The following PTPRR variants were observed in gnomAD, a reference collection of about 807,000 sequenced individuals.
The protein encoded by PTPRR is receptor-type tyrosine-protein phosphatase R.
Under a neutral mutation model 77.2 loss-of-function variants are expected in PTPRR, and 38 were observed. That is an observed-to-expected ratio of 0.49 (90% CI 0.38 to 0.65). The LOEUF (loss-of-function observed/expected upper bound fraction) is 0.65. Ranked by LOEUF, PTPRR falls within the 30% of genes least tolerant of loss-of-function variation. The pLI is 0.00. For synonymous variants in PTPRR, 299 were observed against 283.1 expected (o/e 1.06, Z -0.57); for missense variants, 744 against 799.2 (o/e 0.93, Z 0.83).
intron 2 of PTPRR, among the ~76,000 whole-genome samples, chr12:70,825,208 G>T (rs1401492001): frequency 1.3e-5 from 2 of 152,182 alleles, no homozygotes; most frequent in Non-Finnish European, 2.9e-5. Context: ...AACCCAGGAG[G>T]TGGAGGTTGC....
At chr12:70,788,952 G>T in intron 2 of PTPRR, 3 of 1,364,844 alleles carry the variant, frequency 2.2e-6, no homozygotes, top group Non-Finnish European at 2.9e-6. Context: ...GCCTCATTTA[G>T]TCACCTGGAG....
intron 1 of PTPRR, among the ~76,000 whole-genome samples, chr12:70,915,779 T>G (rs1893766608): frequency 6.6e-6 from 1 of 152,186 alleles, no homozygotes; most frequent in Non-Finnish European, 1.5e-5. Context: ...AATGAGCTGT[T>G]TAAGTCCATT....
At chr12:70,759,149 T>C (rs1402026936) in intron 4 of PTPRR, among the ~76,000 whole-genome samples, 1 of 152,178 alleles carries the variant, frequency 6.6e-6, no homozygotes, top group Non-Finnish European at 1.5e-5. Context: ...TTGCTCAGGT[T>C]GGTCTCAAAC....
intron 2 of PTPRR, among the ~76,000 whole-genome samples, chr12:70,792,756 AT>A (rs957091958): frequency 6.6e-6 from 1 of 151,864 alleles, no homozygotes; most frequent in Non-Finnish European, 1.5e-5. Context: ...ATCAATTTAA[AT>A]TTTTTTTGCA....
intron 2 of PTPRR, among the ~76,000 whole-genome samples, chr12:70,868,145 A>G (rs1892891511): frequency 6.6e-6 from 1 of 152,212 alleles, no homozygotes; most frequent in Non-Finnish European, 1.5e-5. Context: ...TTCATGTCCA[A>G]AACACAAAAA....
intron 2 of PTPRR, among the ~76,000 whole-genome samples, chr12:70,823,043 C>G (rs1421059220): frequency 6.6e-6 from 1 of 151,246 alleles, no homozygotes; most frequent in African/African-American, 2.4e-5. Context: ...CTTTCTTTGC[C>G]TTTCCCTCAG....
intron 2 of PTPRR, among the ~76,000 whole-genome samples, chr12:70,862,596 G>C (rs1165816300): frequency 8.4e-6 from 1 of 119,574 alleles, no homozygotes; most frequent in African/African-American, 3.1e-5. Flanking sequence ...GTTGTGGGGT[G>C]GGGGGAGGGG....
At chr12:70,672,907 C>T in intron 10 of PTPRR, 1 of 1,536,808 alleles carries the variant, frequency 6.5e-7, no homozygotes, top group African/African-American at 1.4e-5. Flanking sequence ...CATCTGCTCC[C>T]ACTCAGCTTA....
chr12:70,707,320 A>G (rs899879300), intron 6 of PTPRR, among the ~76,000 whole-genome samples: 6 of 152,094 alleles, frequency 3.9e-5, no homozygotes, highest in African/African-American at 1.4e-4. Flanking sequence ...AAGTCCTTAT[A>G]TGTATGACAA....
At chr12:70,869,782 C>G (rs959264143) in intron 2 of PTPRR, among the ~76,000 whole-genome samples, 2 of 152,086 alleles carry the variant, frequency 1.3e-5, no homozygotes, top group African/African-American at 4.8e-5. Flanking sequence ...AGGCAAGGAA[C>G]CAATTTTTCC....
chr12:70,734,234 A>G (rs1395813815), intron 6 of PTPRR, among the ~76,000 whole-genome samples: 1 of 152,168 alleles, frequency 6.6e-6, no homozygotes, highest in Non-Finnish European at 1.5e-5. Flanking sequence ...TTTAAAAAGC[A>G]CTGCATTTAG....
intron 2 of PTPRR, among the ~76,000 whole-genome samples, chr12:70,847,417 G>A (rs1164544046): frequency 6.6e-6 from 1 of 152,100 alleles, no homozygotes. Context: ...AGTCTAGTTG[G>A]CTCTGATATT....
intron 2 of PTPRR, among the ~76,000 whole-genome samples, chr12:70,770,376 A>C (rs1033781882): frequency 3.9e-5 from 6 of 152,228 alleles, no homozygotes; most frequent in Non-Finnish European, 5.9e-5. Context: ...TCTCGAAAGA[A>C]GACATTTATG....
chr12:70,703,049 T>A (rs1035015108), intron 6 of PTPRR, among the ~76,000 whole-genome samples: 1 of 151,764 alleles, frequency 6.6e-6, no homozygotes, highest in African/African-American at 2.4e-5. Context: ...TTTTTTTTTC[T>A]ACTGGATTTG....
In PTPRR at chr12:70,661,038, C is replaced by G; in HGVS notation, c.1668G>C (p.Lys556Asn). The change falls in exon 12 of 14, where the codon AAG becomes AAC. Residue 556 changes from lysine to asparagine, a missense_variant. Physicochemically the swap from Lys to Asn is moderately conservative, Grantham distance 94 (BLOSUM62 0). Transcript: ENST00000283228. Reference protein sequence around the residue: ...HYWYTSWPDHKTPDSAQPLLQ... With the variant: ...HYWYTSWPDHNTPDSAQPLLQ... ...GGAGGGGCTGGGCACTGTCTGGAGT[C>G]TTGTGATCAGGCCATGAGGTGTACC... The G allele has an allele frequency of 6.2e-7, 1 of 1,613,518 alleles. No homozygotes were observed. The highest frequency in any genetic ancestry group is 8.5e-7 in the Non-Finnish European group (1 of 1,179,806).
chr12:70,757,868 C>G (rs1167152010), intron 4 of PTPRR, among the ~76,000 whole-genome samples: 1 of 152,002 alleles, frequency 6.6e-6, no homozygotes, highest in African/African-American at 2.4e-5. Flanking sequence ...AAAGATTAAC[C>G]ACAGAAAAAA....
chr12:70,865,108 C>T (rs569723398), intron 2 of PTPRR, among the ~76,000 whole-genome samples: 6 of 152,222 alleles, frequency 3.9e-5, no homozygotes, highest in South Asian at 4.2e-4. Flanking sequence ...CCATTGTGCC[C>T]GACCGAGATC....
At chr12:70,899,145 A>G (rs1893486696) in intron 1 of PTPRR, among the ~76,000 whole-genome samples, 1 of 150,730 alleles carries the variant, frequency 6.6e-6, no homozygotes, top group Non-Finnish European at 1.5e-5. Context: ...CCAAACACTT[A>G]AAGAAAAAAT....
intron 2 of PTPRR, among the ~76,000 whole-genome samples, chr12:70,809,641 A>T (rs546901455): frequency 5.8e-4 from 89 of 152,284 alleles, no homozygotes; most frequent in African/African-American, 2.0e-3. Flanking sequence ...TTCTAAATTT[A>T]AGTTCAGTAT....
Sources: allele counts gnomAD v4.1 joint callset (sites outside exome capture counted in the v4.1 genomes callset), GRCh38; gene constraint gnomAD v4.1.1; transcripts MANE v1.5; gene names NCBI Gene and HGNC (gene_info 2026-07-23, HGNC 2026-07-21).